The following SCAND3 variants were observed in gnomAD, a reference collection of about 807,000 sequenced individuals.
SCAND3 encodes SCAN domain containing 3, also known as SCAN domain-containing protein 3.
the SCAND3 span, among the ~76,000 whole-genome samples, chr6:28,600,407 C>T: frequency 1.1e-4 from 17 of 152,174 alleles, no homozygotes; most frequent in Admixed American, 2.6e-4. Flanking sequence ...CTAAGGCAGG[C>T]GGACTACTTG....
chr6:28,573,088 GA>G, the SCAND3 span: 7 of 1,607,136 alleles, frequency 4.4e-6, no homozygotes, highest in Non-Finnish European at 5.9e-6. Flanking sequence ...CAAAGAGGCT[GA>G]AAAAAAGAAC....
chr6:28,609,190 G>C, the SCAND3 span, among the ~76,000 whole-genome samples: 1 of 152,178 alleles, frequency 6.6e-6, no homozygotes, highest in African/African-American at 2.4e-5. Context: ...GTAATTAAAG[G>C]ATTAACTATT....
the SCAND3 span, among the ~76,000 whole-genome samples, chr6:28,606,859 G>T: frequency 1.6e-3 from 238 of 152,280 alleles, 3 homozygotes; most frequent in Admixed American, 4.9e-3. Flanking sequence ...CTTCAAACAC[G>T]TAGGTCTCAG....
At chr6:28,583,208 C>T in the SCAND3 span, among the ~76,000 whole-genome samples, 1 of 151,866 alleles carries the variant, frequency 6.6e-6, no homozygotes, top group African/African-American at 2.4e-5. Context: ...CTGGTTAACA[C>T]GGTGAAACCT....
At chr6:28,615,370 T>C in the SCAND3 span, among the ~76,000 whole-genome samples, 9 of 152,114 alleles carry the variant, frequency 5.9e-5, no homozygotes, top group Non-Finnish European at 1.2e-4. Context: ...TCCCAGCACT[T>C]TGAGAGGCCG....
the SCAND3 span, chr6:28,570,581 C>G: frequency 6.6e-6 from 1 of 152,276 alleles, no homozygotes; most frequent in East Asian, 1.9e-4. Flanking sequence ...CCTCTACTTT[C>G]AAAGGTTTGG....
chr6:28,596,949 ATTT>A, the SCAND3 span, among the ~76,000 whole-genome samples: 1 of 152,210 alleles, frequency 6.6e-6, no homozygotes, highest in Non-Finnish European at 1.5e-5. Flanking sequence ...TATGTGGATG[ATTT>A]TTATCATTTA....
chr6:28,571,130 A>G, the SCAND3 span: 1 of 152,218 alleles, frequency 6.6e-6, no homozygotes, highest in Admixed American at 6.5e-5. Context: ...CCTGGCCAAC[A>G]TGGTGAAACC....
chr6:28,596,175 C>T, the SCAND3 span, among the ~76,000 whole-genome samples: 2 of 152,128 alleles, frequency 1.3e-5, no homozygotes, highest in Non-Finnish European at 2.9e-5. Flanking sequence ...GTTATTTGTG[C>T]AGCATAGTTT....
the SCAND3 span, chr6:28,572,414 T>C: frequency 6.2e-7 from 1 of 1,613,484 alleles, no homozygotes; most frequent in Non-Finnish European, 8.5e-7. This position sits in a 1 kb window ranked among gnomAD's most constrained non-coding sequence, Gnocchi z 4.1. Flanking sequence ...ATAATTGTTG[T>C]TAAATTATGA....
the SCAND3 span, chr6:28,586,508 CAG>C: frequency 6.2e-7 from 1 of 1,614,270 alleles, no homozygotes; most frequent in Non-Finnish European, 8.5e-7. The surrounding 1 kb of genome is among the most constrained non-coding windows in gnomAD (Gnocchi z 4.4). Flanking sequence ...GCAGTTGACT[CAG>C]AGCCTCCCTG....
At chr6:28,586,834 A>C in the SCAND3 span, 1 of 801,284 alleles carries the variant, frequency 1.2e-6, no homozygotes, top group Non-Finnish European at 1.9e-6. This position sits in a 1 kb window ranked among gnomAD's most constrained non-coding sequence, Gnocchi z 4.4. Flanking sequence ...ATAAGAAAAC[A>C]CTCAACACAG....
At chr6:28,604,693 T>C in the SCAND3 span, among the ~76,000 whole-genome samples, 1 of 152,196 alleles carries the variant, frequency 6.6e-6, no homozygotes, top group Non-Finnish European at 1.5e-5. Flanking sequence ...ACTCACTCTT[T>C]TGCATACTTC....
At chr6:28,572,780 T>C in the SCAND3 span, 2 of 1,613,532 alleles carry the variant, frequency 1.2e-6, no homozygotes, top group African/African-American at 2.7e-5. The surrounding 1 kb of genome is among the most constrained non-coding windows in gnomAD (Gnocchi z 4.1). Flanking sequence ...GAGAATAATC[T>C]TGAATTCAAT....
the SCAND3 span, chr6:28,576,256 G>T: frequency 1.4e-6 from 1 of 728,692 alleles, no homozygotes; most frequent in Non-Finnish European, 2.2e-6. Flanking sequence ...CACAAAAGGG[G>T]ATACCATTTT....
the SCAND3 span, chr6:28,575,654 G>T: frequency 6.2e-7 from 1 of 1,614,098 alleles, no homozygotes; most frequent in Admixed American, 1.7e-5. This position sits in a 1 kb window ranked among gnomAD's most constrained non-coding sequence, Gnocchi z 4.2. Flanking sequence ...TGTTGGCATG[G>T]TTTACAGAGG....
the SCAND3 span, among the ~76,000 whole-genome samples, chr6:28,582,836 C>G: frequency 1.3e-5 from 2 of 151,474 alleles, no homozygotes; most frequent in Admixed American, 1.3e-4. This position sits in a 1 kb window ranked among gnomAD's most constrained non-coding sequence, Gnocchi z 4.8. Flanking sequence ...GCAGGAGAAT[C>G]GCTTGTACCA....
the SCAND3 span, chr6:28,571,852 C>T: frequency 1.3e-6 from 2 of 1,564,188 alleles, no homozygotes; most frequent in South Asian, 1.2e-5. Context: ...AAATTCCTCA[C>T]ACTCAATGCT....
the SCAND3 span, chr6:28,574,618 C>A: frequency 6.3e-7 from 1 of 1,583,412 alleles, no homozygotes; most frequent in South Asian, 1.1e-5. Context: ...CCCCTGCTTT[C>A]ATCTACGGCA....
Sources: gnomAD v4.1 joint callset for allele counts (sites outside exome capture counted in the v4.1 genomes callset) on GRCh38, gnomAD v4.1.1 for gene constraint, Gnocchi (gnomAD v3.1) non-coding constraint, MANE v1.5 for transcripts, NCBI Gene and HGNC (gene_info 2026-07-23, HGNC 2026-07-21) for gene names.